The following SEPTIN7 variants were observed in gnomAD, a reference collection of about 807,000 sequenced individuals.
SEPTIN7 encodes septin 7.
SEPTIN7 carries 10 observed loss-of-function variants against 63.3 expected under a neutral mutation model. That is an observed-to-expected ratio of 0.16 (90% CI 0.10 to 0.27). The LOEUF is 0.27. Among genes scored for constraint, SEPTIN7 ranks in the 10% least tolerant of loss-of-function variants. The pLI, the probability that SEPTIN7 is intolerant of heterozygous loss-of-function variation, is 1.00. For missense variants in SEPTIN7, 310 were observed against 521.0 expected (o/e 0.59, Z 3.94); for synonymous variants, 131 against 165.3 (o/e 0.79, Z 1.59).
At chr7:35,836,313 G>A (rs1784082769) in intron 3 of SEPTIN7, among the ~76,000 whole-genome samples, 2 of 152,068 alleles carry the variant, frequency 1.3e-5, no homozygotes, top group African/African-American at 4.8e-5. Flanking sequence ...ATTCTTCAAG[G>A]AGGCAGAACT....
At chr7:35,903,545 G>C (rs1340852970) in intron 13 of SEPTIN7, among the ~76,000 whole-genome samples, 1 of 152,044 alleles carries the variant, frequency 6.6e-6, no homozygotes, top group Non-Finnish European at 1.5e-5. Flanking sequence ...TTCAATTTTT[G>C]GCACACAAAG....
At chr7:35,826,621 A>G (rs1207802420) in intron 1 of SEPTIN7, among the ~76,000 whole-genome samples, 4 of 152,064 alleles carry the variant, frequency 2.6e-5, no homozygotes, top group African/African-American at 9.6e-5. Flanking sequence ...TTGTAATGAT[A>G]TTGGGAAGTT....
chr7:35,857,955 T>C (rs1785290109), intron 3 of SEPTIN7, among the ~76,000 whole-genome samples: 1 of 152,110 alleles, frequency 6.6e-6, no homozygotes, highest in South Asian at 2.1e-4. Flanking sequence ...TTATTTCTTT[T>C]TTTTTGGGAC....
chr7:35,845,830 A>G (rs1349457074), intron 3 of SEPTIN7, among the ~76,000 whole-genome samples: 1 of 152,142 alleles, frequency 6.6e-6, no homozygotes, highest in African/African-American at 2.4e-5. Flanking sequence ...TTTTAAAGTT[A>G]ATAAACTTTA....
intron 1 of SEPTIN7, among the ~76,000 whole-genome samples, chr7:35,829,927 C>T (rs930314766): frequency 6.6e-6 from 1 of 151,582 alleles, no homozygotes; most frequent in South Asian, 2.1e-4. Flanking sequence ...GTGGCTTACG[C>T]CTGTAATCCC....
intron 3 of SEPTIN7, among the ~76,000 whole-genome samples, chr7:35,838,240 C>CTTACTTACTTA (rs1562536632): frequency 1.2e-3 from 42 of 34,774 alleles, no homozygotes; most frequent in Non-Finnish European, 1.7e-3. Context: ...ATCCAAACTT[C>CTTACTTACTTA]CTTCCTTCCT....
chr7:35,815,219 T>C, intron 1 of SEPTIN7: 1 of 411,148 alleles, frequency 2.4e-6, no homozygotes, highest in Non-Finnish European at 4.8e-6. Context: ...GTCCAAGGAG[T>C]CCAGCAACCT....
intron 3 of SEPTIN7, among the ~76,000 whole-genome samples, chr7:35,844,233 G>A (rs73324327): frequency 0.034 from 5,232 of 152,224 alleles, 322 homozygotes; most frequent in African/African-American, 0.12. Flanking sequence ...TTATAGTAAT[G>A]TACATTTAAA....
chr7:35,896,878 T>C (rs1387442906), intron 11 of SEPTIN7, among the ~76,000 whole-genome samples: 2 of 152,256 alleles, frequency 1.3e-5, no homozygotes, highest in African/African-American at 4.8e-5. Flanking sequence ...CATAGCATTA[T>C]ATCACATCTT....
intron 1 of SEPTIN7, among the ~76,000 whole-genome samples, chr7:35,826,747 A>T (rs1783536494): frequency 6.6e-6 from 1 of 152,140 alleles, no homozygotes; most frequent in Non-Finnish European, 1.5e-5. Flanking sequence ...CATATTTAAT[A>T]GTTTTCAAAA....
intron 4 of SEPTIN7, among the ~76,000 whole-genome samples, chr7:35,866,831 C>G (rs1785830639): frequency 6.6e-6 from 1 of 152,180 alleles, no homozygotes; most frequent in Non-Finnish European, 1.5e-5. Flanking sequence ...TCCTGGAATT[C>G]TTTATACCAG....
chr7:35,801,185 G>C lies in SEPTIN7; in HGVS notation c.-25G>C. ...GAATCGGCGGGCTGCGCTCCGCTGGGGCTGGTCGCGGAGGGGGGGAGGGGA... is the reference window on the plus strand; with the variant it reads ...GAATCGGCGGGCTGCGCTCCGCTGGCGCTGGTCGCGGAGGGGGGGAGGGGA... On this transcript the variant is annotated 5_prime_UTR_variant, in exon 1 of 14. Transcript: ENST00000350320. 2.0e-6 allele frequency: 3 copies of C among 1,488,262 alleles called. No individual in the cohort carries two copies. The highest frequency in any genetic ancestry group is 2.7e-6 in the Non-Finnish European group (3 of 1,116,626). The allele number at this position is 1,488,262 out of a possible 1,614,324, so 92.2% of individuals were successfully genotyped here.
intron 3 of SEPTIN7, among the ~76,000 whole-genome samples, chr7:35,839,791 G>A (rs1433744426): frequency 1.3e-5 from 2 of 152,174 alleles, no homozygotes; most frequent in African/African-American, 2.4e-5. Context: ...CTGACCTTGT[G>A]ATCCACTTGC....
At chr7:35,804,594 CT>C (rs1788202771) in intron 1 of SEPTIN7, among the ~76,000 whole-genome samples, 1 of 152,156 alleles carries the variant, frequency 6.6e-6, no homozygotes, top group African/African-American at 2.4e-5. Context: ...GGCTTTGCTA[CT>C]CAATAGATAC....
intron 2 of SEPTIN7, 47 bp downstream of exon 2, chr7:35,831,543 CTTAAA>C (rs1236278373): frequency 2.5e-6 from 1 of 407,106 alleles, no homozygotes; most frequent in Non-Finnish European, 4.8e-6. Flanking sequence ...TCTCAGTTAA[CTTAAA>C]TTTAATTTAT....
At chr7:35,804,345 A>G (rs1788190054) in intron 1 of SEPTIN7, among the ~76,000 whole-genome samples, 1 of 152,176 alleles carries the variant, frequency 6.6e-6, no homozygotes, top group Non-Finnish European at 1.5e-5. Flanking sequence ...GTCCTTTTGC[A>G]TCATCAGAGA....
At chr7:35,867,232 G>A (rs1785857555) in intron 4 of SEPTIN7, among the ~76,000 whole-genome samples, 3 of 152,120 alleles carry the variant, frequency 2.0e-5, no homozygotes. Context: ...TCATGTTTCA[G>A]TATCAAATAT....
chr7:35,801,876 C>G (rs1191341909), intron 1 of SEPTIN7, among the ~76,000 whole-genome samples: 1 of 151,968 alleles, frequency 6.6e-6, no homozygotes, highest in African/African-American at 2.4e-5. Flanking sequence ...CCAGTCACCG[C>G]GTCGCCTCCC....
chr7:35,803,119 AG>A, intron 1 of SEPTIN7: 1 of 947,958 alleles, frequency 1.1e-6, no homozygotes, highest in Non-Finnish European at 1.3e-6. Flanking sequence ...TTAAAAAGAA[AG>A]GATATTGTCT....
Sources: allele counts gnomAD v4.1 joint callset (sites outside exome capture counted in the v4.1 genomes callset), GRCh38; gene constraint gnomAD v4.1.1; transcripts MANE v1.5; gene names NCBI Gene and HGNC (gene_info 2026-07-23, HGNC 2026-07-21).